RFX7: variants seen among roughly 807,000 people sequenced by gnomAD.
RFX7 encodes regulatory factor X7.
In RFX7, 26 loss-of-function variants were observed where a neutral mutation model predicts 111.8. The observed-to-expected ratio is 0.23, with a 90% CI of 0.17 to 0.32. RFX7 has a LOEUF of 0.32. Ranked by LOEUF, RFX7 falls within the 10% of genes least tolerant of loss-of-function variation. The pLI is 1.00. For synonymous variants in RFX7, 624 were observed against 624.4 expected (o/e 1.00, Z 0.01); for missense variants, 1,573 against 1,772.9 (o/e 0.89, Z 2.02).
At chr15:56,140,159 T>C (rs1254918279) in intron 5 of RFX7, among the ~76,000 whole-genome samples, 2 of 152,164 alleles carry the variant, frequency 1.3e-5, no homozygotes, top group African/African-American at 4.8e-5. Flanking sequence ...TGGAGCTTCC[T>C]GGCTGCTTTG....
chr15:56,133,078 C>A (rs2042240361), intron 5 of RFX7, among the ~76,000 whole-genome samples: 1 of 152,062 alleles, frequency 6.6e-6, no homozygotes, highest in Non-Finnish European at 1.5e-5. Context: ...CTTCTTTATA[C>A]ATTTATAACT....
At chr15:56,171,566 A>AAAAAAC (rs1555423322) in intron 3 of RFX7, among the ~76,000 whole-genome samples, 9 of 151,874 alleles carry the variant, frequency 5.9e-5, no homozygotes, top group Non-Finnish European at 1.3e-4. Flanking sequence ...TCTCCAGAAA[A>AAAAAAC]AAAACAAAAC....
intron 2 of RFX7, among the ~76,000 whole-genome samples, chr15:56,214,324 GAA>G (rs2043341346): frequency 6.8e-6 from 1 of 147,840 alleles, no homozygotes; most frequent in African/African-American, 2.4e-5. Context: ...AATATATTAA[GAA>G]ATAAAAAATC....
At chr15:56,141,656 A>ATATATATATAT (rs1555421058) in intron 5 of RFX7, among the ~76,000 whole-genome samples, 1 of 83,210 alleles carries the variant, frequency 1.2e-5, no homozygotes, top group Non-Finnish European at 2.2e-5. Context: ...GCTTACTCTA[A>ATATATATATAT]ATATATATAT....
intron 2 of RFX7, among the ~76,000 whole-genome samples, chr15:56,191,000 T>G (rs1287992262): frequency 1.3e-5 from 2 of 152,230 alleles, no homozygotes; most frequent in African/African-American, 4.8e-5. Context: ...TAAATCTATT[T>G]AGGCTGGCTA....
chr15:56,226,882 C>T (rs575594190), intron 2 of RFX7, among the ~76,000 whole-genome samples: 21 of 152,202 alleles, frequency 1.4e-4, no homozygotes, highest in African/African-American at 4.6e-4. Context: ...ACCCAAAACT[C>T]GGATGGGAGT....
At chr15:56,204,327 A>G (rs10518843) in intron 2 of RFX7, among the ~76,000 whole-genome samples, 19,776 of 152,102 alleles carry the variant, frequency 0.13, 1,668 homozygotes, top group East Asian at 0.43. Flanking sequence ...CCTGATCACG[A>G]ACCTTAATAT....
intron 2 of RFX7, among the ~76,000 whole-genome samples, chr15:56,201,858 G>A (rs751629999): frequency 1.3e-5 from 2 of 151,970 alleles, no homozygotes; most frequent in Admixed American, 6.6e-5. Context: ...GTGAAACCCC[G>A]TCTCTACTAA....
chr15:56,117,260 A>ATT (rs1470994434), intron 5 of RFX7, among the ~76,000 whole-genome samples: 3 of 152,120 alleles, frequency 2.0e-5, no homozygotes, highest in Admixed American at 6.5e-5. Context: ...GAGAAAGGAG[A>ATT]TTTAAACTGG....
chr15:56,145,590 T>C (rs181907297), intron 3 of RFX7, among the ~76,000 whole-genome samples: 12 of 152,346 alleles, frequency 7.9e-5, no homozygotes, highest in Admixed American at 7.8e-4. Context: ...TATACCCTTG[T>C]GTAGCTCTCC....
chr15:56,112,584 C>T (rs981921885), intron 5 of RFX7, among the ~76,000 whole-genome samples: 2 of 152,080 alleles, frequency 1.3e-5, no homozygotes, highest in East Asian at 3.9e-4. Context: ...CCATTCAGGA[C>T]ATAGGCATGG....
intron 2 of RFX7, among the ~76,000 whole-genome samples, chr15:56,195,332 T>A (rs752751230): frequency 2.6e-5 from 4 of 152,118 alleles, no homozygotes; most frequent in Admixed American, 6.5e-5. Flanking sequence ...AGGTGATGGC[T>A]ACATAACACT....
intron 5 of RFX7, among the ~76,000 whole-genome samples, chr15:56,109,445 T>TGCAGCCTCTGCCTGGCC (rs2041878890): frequency 6.6e-6 from 1 of 152,202 alleles, no homozygotes; most frequent in Non-Finnish European, 1.5e-5. Flanking sequence ...GTGCCGAGAT[T>TGCAGCCTCTGCCTGGCC]GCAGCCTCTG....
rs186677469 is a variant in RFX7, at chr15:56,145,956, T to G, written c.196-1473A>C. Among the ~76,000 whole-genome samples the G allele has an allele frequency of 1.7e-3, 259 of 152,342 alleles. 1 individual carries two copies. The highest frequency in any genetic ancestry group is 2.4e-3 in the Non-Finnish European group (163 of 68,028). On this transcript the variant is annotated intron_variant, in intron 3 of 9. Coordinates refer to ENST00000559447, the MANE Select transcript of RFX7 (RefSeq NM_022841.7). ...CAAAGAGTGAACAATACAACAAAGA[T>G]GAACAACACACCACCACCACAGTTC...
chr15:56,237,490 AT>A, intron 2 of RFX7, among the ~76,000 whole-genome samples: 2 of 152,314 alleles, frequency 1.3e-5, no homozygotes, highest in East Asian at 3.9e-4. Context: ...AGCATGCAAT[AT>A]TATTTTCTAA....
chr15:56,151,813 C>A (rs542838544), intron 3 of RFX7, among the ~76,000 whole-genome samples: 6 of 152,084 alleles, frequency 3.9e-5, no homozygotes, highest in Non-Finnish European at 8.8e-5. Flanking sequence ...TTCAGGAGAC[C>A]TATCTCATGT....
At chr15:56,196,270 T>G (rs1476362177) in intron 2 of RFX7, among the ~76,000 whole-genome samples, 3 of 152,080 alleles carry the variant, frequency 2.0e-5, no homozygotes, top group South Asian at 2.1e-4. Flanking sequence ...AAAGTCCCCA[T>G]GGGATCTTTT....
chr15:56,244,540 C>A (rs1285891069), upstream of RFX7, among the ~76,000 whole-genome samples: 2 of 152,128 alleles, frequency 1.3e-5, no homozygotes, highest in Non-Finnish European at 2.9e-5. Context: ...ATTCATTCTT[C>A]CTTCGTGCCT....
At chr15:56,215,039 A>G (rs191348752) in intron 2 of RFX7, among the ~76,000 whole-genome samples, 1 of 152,292 alleles carries the variant, frequency 6.6e-6, no homozygotes, top group Admixed American at 6.5e-5. Flanking sequence ...AATACGTACA[A>G]TTGTCCCTTG....
Sources: allele counts gnomAD v4.1 joint callset (sites outside exome capture counted in the v4.1 genomes callset), GRCh38; gene constraint gnomAD v4.1.1; transcripts MANE v1.5; gene names NCBI Gene and HGNC (gene_info 2026-07-23, HGNC 2026-07-21).